SLC9A5: variants seen among roughly 807,000 people sequenced by gnomAD.
SLC9A5 encodes sodium/hydrogen exchanger 5.
Under a neutral mutation model 91.7 loss-of-function variants are expected in SLC9A5, and 52 were observed. That is an observed-to-expected ratio of 0.57 (90% confidence interval 0.45 to 0.71). The LOEUF (loss-of-function observed/expected upper bound fraction) is 0.71, where lower values mean the gene tolerates loss of function less well. SLC9A5 is among the 30% of genes least tolerant of loss of function. SLC9A5 has a pLI of 0.00. For missense variants in SLC9A5, 871 were observed against 1,158.9 expected, an observed-to-expected ratio of 0.75 and a Z score of 3.61; for synonymous variants, 419 against 474.5, an observed-to-expected ratio of 0.88 and a Z score of 1.52.
rs1038270988 is a variant in SLC9A5 at position 67,264,415 on chromosome 16, G to A, written c.1906G>A (p.Val636Ile). The change falls in exon 13 of 16, where the codon GTC becomes ATC. Residue 636 changes from valine (V) to isoleucine (I), a missense_variant. This residue lies in a region of SLC9A5 where 454 missense variants were observed against 718.3 expected (regional missense o/e 0.63). Transcript: ENST00000299798. ...TGCGCAGGAGCGGCAGGACAAGGAGGTCTTCCAGCAGAACATGAAGCGGCG... is the reference window on the plus strand; with the variant it reads ...TGCGCAGGAGCGGCAGGACAAGGAGATCTTCCAGCAGAACATGAAGCGGCG... ...EDAQERQDKEVFQQNMKRRLE... is the reference protein window; with the variant it reads ...EDAQERQDKEIFQQNMKRRLE... 1.9e-6 allele frequency: 3 copies of A among 1,614,042 alleles called. No individual in the cohort carries two copies. Among genetic ancestry groups the A allele is most frequent in the African/African-American group, 1.3e-5 (1 of 74,918 alleles).
chr16:67,258,506 G>T lies in SLC9A5; in HGVS notation c.1626+59G>T. On this transcript the variant is annotated intron_variant, in intron 10 of 15. Transcript: ENST00000299798. The surrounding 1 kb of genome is among the most constrained non-coding windows in gnomAD (Gnocchi z 4.5). ...GGTGGGCAGATGGTCAGCAGAGCAG[G>T]ACAGAAAGGGGTGGCAAGCAGGCTG... The T allele has an allele frequency of 6.2e-7, 1 of 1,600,592 alleles. No individual in the cohort carries two copies.
rs748366081 is a variant in SLC9A5, at chr16:67,255,181, C to G, written c.651C>G (p.Thr217=). 5 of 1,612,524 alleles carry G rather than the reference C, an allele frequency of 3.1e-6. No homozygotes were observed. The Middle Eastern group carries it at 5.0e-4, about 160-fold the overall frequency. ...FGESLLNDAV[T]VVLYKVCNSF... is the part of the protein sequence containing the mutation. The stretch of plus-strand genomic sequence containing the variant: ...AGTCCCTGCTCAACGATGCTGTCAC[C>G]GTGGTGAGCGTGCTCAGCTGACTGC... Residue 217 remains threonine, a synonymous_variant, in exon 3 of 16, where the codon ACC becomes ACG. Coordinates refer to ENST00000299798, the MANE Select transcript of SLC9A5 (RefSeq NM_004594.3). This position sits in a 1 kb window ranked among gnomAD's most constrained non-coding sequence, Gnocchi z 4.9.
chr16:67,257,289 A>G lies in SLC9A5; in HGVS notation c.1336-56A>G. The G allele has an allele frequency of 6.7e-7, 1 of 1,501,714 alleles. No individual in the cohort carries two copies. The allele number at this position is 1,501,714 out of a possible 1,614,324, so 93.0% of individuals were successfully genotyped here. ...CTGAAGCCTCATTACGGGGAGAGAA[A>G]GGCAGCAGGGAACTGAATAGGAATA... On this transcript the variant is annotated intron_variant, in intron 7 of 15. Coordinates refer to ENST00000299798, the MANE Select transcript of SLC9A5 (RefSeq NM_004594.3). The surrounding 1 kb of genome is among the most constrained non-coding windows in gnomAD (Gnocchi z 5.1).
intron 12 of SLC9A5, chr16:67,262,769 A>G: frequency 6.2e-6 from 1 of 162,406 alleles, no homozygotes; most frequent in South Asian, 1.7e-4. Context: ...AGCCAAAGAC[A>G]AGGAACCCTT....
At position 67,270,299 on chromosome 16, in the gene SLC9A5, C is replaced by T. The variant is rs1306226400; in HGVS notation, c.2219-439C>T. Among the ~76,000 whole-genome samples, 1 of 152,110 alleles carries T rather than the reference C, an allele frequency of 6.6e-6. No individual in the cohort carries two copies. The highest frequency in any genetic ancestry group is 2.4e-5 in the African/African-American group (1 of 41,424). On this transcript the variant is annotated intron_variant, in intron 15 of 15. Coordinates refer to ENST00000299798, the MANE Select transcript of SLC9A5 (RefSeq NM_004594.3). The surrounding 1 kb of genome is among the most constrained non-coding windows in gnomAD (Gnocchi z 4.3). Reference sequence around the variant, plus strand: ...CTCCCGGGTTCAAGTGATTCTCTTGCCTCAGCCTCCCGAGTACCTGGGATT... The same window carrying T: ...CTCCCGGGTTCAAGTGATTCTCTTGTCTCAGCCTCCCGAGTACCTGGGATT...
intron 15 of SLC9A5, among the ~76,000 whole-genome samples, chr16:67,266,850 C>CA: frequency 8.4e-6 from 1 of 118,952 alleles, no homozygotes; most frequent in South Asian, 2.7e-4. Context: ...CTATTCTTTT[C>CA]TTTTTTTTTT....
intron 12 of SLC9A5, among the ~76,000 whole-genome samples, chr16:67,260,635 G>A (rs2035502605): frequency 6.6e-6 from 1 of 152,302 alleles, no homozygotes; most frequent in South Asian, 2.1e-4. Context: ...GTGAGAGGAG[G>A]AGGAGACAGA....
rs2035888591 is a variant in SLC9A5, at chr16:67,270,763, A to C, written c.2244A>C (p.Pro748=). 3.1e-6 allele frequency: 5 copies of C among 1,611,484 alleles called. No homozygotes were observed. Among genetic ancestry groups the C allele is most frequent in the Non-Finnish European group, 4.2e-6 (5 of 1,178,314 alleles). The change falls in exon 16 of 16, where the codon CCA becomes CCC. Residue 748 remains proline (P), a synonymous_variant. Coordinates refer to ENST00000299798, the MANE Select transcript of SLC9A5 (RefSeq NM_004594.3). The surrounding 1 kb of genome is among the most constrained non-coding windows in gnomAD (Gnocchi z 4.3). ...VSGSLEVCPS[P]RIIPPSPTCA... is the part of the protein sequence containing the mutation. ...GAAGCCTTGAGGTGTGCCCAAGCCC[A>C]CGAATCATTCCCCCCTCCCCAACCT...
intron 12 of SLC9A5, chr16:67,262,094 C>A (rs1057116705): frequency 3.6e-5 from 12 of 335,436 alleles, no homozygotes; most frequent in African/African-American, 6.4e-5. Flanking sequence ...CCCATCATCC[C>A]ATTGTTTGGT....
Position 67,270,131 on chromosome 16 carries a change from G to A in SLC9A5, c.2219-607G>A, listed in dbSNP as rs2035868222. ...GAGACCAGTGCTGCAGTAGGGTGAGGGGACTGGAGATGGGGCTTCCTGCCT... is the reference window on the plus strand; with the variant it reads ...GAGACCAGTGCTGCAGTAGGGTGAGAGGACTGGAGATGGGGCTTCCTGCCT... On this transcript the variant is annotated intron_variant, in intron 15 of 15. Coordinates refer to ENST00000299798, the MANE Select transcript of SLC9A5 (RefSeq NM_004594.3). The surrounding 1 kb of genome is among the most constrained non-coding windows in gnomAD (Gnocchi z 4.3). Among the ~76,000 whole-genome samples, 2 of 152,136 alleles carry A rather than the reference G, an allele frequency of 1.3e-5. No homozygotes were observed. The highest frequency in any genetic ancestry group is 2.9e-5 in the Non-Finnish European group (2 of 68,020).
intron 2 of SLC9A5, among the ~76,000 whole-genome samples, chr16:67,254,062 G>T (rs1363789381): frequency 6.6e-6 from 1 of 152,196 alleles, no homozygotes; most frequent in Admixed American, 6.5e-5. Flanking sequence ...AACAGTAATA[G>T]ATAATAATAT....
rs1044070986 is a variant in SLC9A5 at position 67,266,364 on chromosome 16, T to G, written c.2218+139T>G. 9.6e-6 allele frequency: 8 copies of G among 829,092 alleles called. No individual in the cohort carries two copies. The African/African-American group carries it at 1.2e-4, about 13-fold the overall frequency. The allele number at this position is 829,092 out of a possible 1,614,324, so 51.4% of individuals were successfully genotyped here. On this transcript the variant is annotated intron_variant, in intron 15 of 15. Transcript: ENST00000299798. ...AGCCAGCATTTGCAGAGCCTCTTCT[T>G]CATACCAGATGCCCGACATAGGTAA...
intron 1 of SLC9A5, among the ~76,000 whole-genome samples, chr16:67,251,508 G>A (rs1397340181): frequency 7.1e-6 from 1 of 140,606 alleles, no homozygotes; most frequent in African/African-American, 2.7e-5. Context: ...CTGCCTCCCA[G>A]GTTCAAGTGA....
chr16:67,260,354 C>CAAAAAGAAAAAAAAAAAA (rs2035488661), intron 12 of SLC9A5, among the ~76,000 whole-genome samples: 1 of 33,468 alleles, frequency 3.0e-5, no homozygotes, highest in African/African-American at 1.9e-4. Context: ...GACTCCATCT[C>CAAAAAGAAAAAAAAAAAA]AAAAAAAAAA....
chr16:67,249,139 A>T lies in SLC9A5; in HGVS notation c.125A>T (p.His42Leu). ...PGLELFRWQWHEVEAPYLVAL... is the reference protein window; with the variant it reads ...PGLELFRWQWLEVEAPYLVAL... ...TTAGAGCTCTTCCGCTGGCAGTGGC[A>T]CGAGGTGGAGGCGCCCTACCTGGTG... Residue 42 changes from histidine to leucine, a missense_variant, in exon 1 of 16, where the codon CAC becomes CTC. Coordinates refer to ENST00000299798, the MANE Select transcript of SLC9A5 (RefSeq NM_004594.3). 1 of 1,561,376 alleles carries T rather than the reference A, an allele frequency of 6.4e-7. No homozygotes were observed. Among genetic ancestry groups the T allele is most frequent in the Non-Finnish European group, 8.6e-7 (1 of 1,159,576 alleles).
rs1163447535 is a variant in SLC9A5, at chr16:67,264,380, T to A, written c.1871T>A (p.Ile624Asn). Reference sequence around the variant, plus strand: ...AAAGCCAGCTGCAGTCGCCACTTCATCTCAGAGGATGCGCAGGAGCGGCAG... The same window carrying A: ...AAAGCCAGCTGCAGTCGCCACTTCAACTCAGAGGATGCGCAGGAGCGGCAG... Reference protein sequence around the residue: ...RYKASCSRHFISEDAQERQDK... With the variant: ...RYKASCSRHFNSEDAQERQDK... The change falls in exon 13 of 16, where the codon ATC becomes AAC. Residue 624 changes from isoleucine (I) to asparagine (N), a missense_variant. Physicochemically the swap from Ile to Asn is moderately radical, Grantham distance 149. Around this residue, in one of 3 missense-constraint regions of SLC9A5, gnomAD observed 454 missense variants for 718.3 expected, o/e 0.63. Coordinates refer to ENST00000299798, the MANE Select transcript of SLC9A5 (RefSeq NM_004594.3). 1.2e-6 allele frequency: 2 copies of A among 1,613,974 alleles called. No homozygotes were observed. Among genetic ancestry groups the A allele is most frequent in the Non-Finnish European group, 1.7e-6 (2 of 1,180,016 alleles).
At chr16:67,264,649 T>A in intron 13 of SLC9A5, 127 bp downstream of exon 13, 1 of 892,898 alleles carries the variant, frequency 1.1e-6, no homozygotes, top group Non-Finnish European at 1.7e-6. Flanking sequence ...GCTTGATGAC[T>A]ACAGCAGTTT....
rs949146568 is a variant in SLC9A5, at chr16:67,270,544, C to G, written c.2219-194C>G. Among the ~76,000 whole-genome samples the G allele has an allele frequency of 6.6e-6, 1 of 152,126 alleles. No individual in the cohort carries two copies. Among genetic ancestry groups the G allele is most frequent in the East Asian group, 1.9e-4 (1 of 5,196 alleles). ...ATTTCTTGAGCAACTACTGTGTGCC[C>G]GGCCCTGTGCTAGGTGTTGGGGATA... On this transcript the variant is annotated intron_variant, in intron 15 of 15. Transcript: ENST00000299798. The surrounding 1 kb of genome is among the most constrained non-coding windows in gnomAD (Gnocchi z 4.3).
chr16:67,256,415 G>C lies in SLC9A5; in HGVS notation c.912-54G>C. On this transcript the variant is annotated intron_variant, in intron 5 of 15. Coordinates refer to ENST00000299798, the MANE Select transcript of SLC9A5 (RefSeq NM_004594.3). This position sits in a 1 kb window ranked among gnomAD's most constrained non-coding sequence, Gnocchi z 4.1. ...CCTGCAGTATGCTCAAACCCTGGAG[G>C]CTGAGCCCCCTGGAACCCTTCCCCA... 7 of 1,273,626 alleles carry C rather than the reference G, an allele frequency of 5.5e-6. No individual in the cohort carries two copies. The highest frequency in any genetic ancestry group is 7.9e-6 in the Non-Finnish European group (7 of 882,732). 78.9% of individuals were successfully genotyped at this position (1,273,626 alleles called of 1,614,324 possible).
Sources: allele counts gnomAD v4.1 joint callset (sites outside exome capture counted in the v4.1 genomes callset), GRCh38; gene constraint gnomAD v4.1.1; regional missense constraint gnomAD v4.1.1; non-coding constraint Gnocchi (gnomAD v3.1); transcripts MANE v1.5; gene names NCBI Gene and HGNC (gene_info 2026-07-23, HGNC 2026-07-21).